GPC5: variants seen among roughly 807,000 people sequenced by gnomAD.
GPC5 encodes glypican 5.
In GPC5, 47 loss-of-function variants were observed where a neutral mutation model predicts 53.9. That is an observed-to-expected ratio of 0.87 (90% CI 0.69 to 1.11). The LOEUF is 1.11. Ranked by LOEUF, GPC5 falls within the 50% of genes most tolerant of loss-of-function variation. The probability of loss-of-function intolerance (pLI) is 0.00; values close to 1 mark genes in which losing one functional copy is unlikely to be tolerated. For synonymous variants in GPC5, 286 were observed against 263.3 expected (o/e 1.09, Z -0.84); for missense variants, 748 against 713.1 (o/e 1.05, Z -0.56).
chr13:91,841,539 A>G (rs1451446208), intron 5 of GPC5, among the ~76,000 whole-genome samples: 10 of 152,020 alleles, frequency 6.6e-5, no homozygotes, highest in Non-Finnish European at 1.5e-4. Flanking sequence ...CTGTTGCCCC[A>G]CTTAATGATT....
Position 92,015,635 on chromosome 13 carries a change from A to C in GPC5, c.1401+107578A>C, listed in dbSNP as rs1439720496. On this transcript the variant is annotated intron_variant, in intron 6 of 7. Transcript: ENST00000377067. ...TAAGTCACAAATTAGTAGAATTCAA[A>C]CTAAGAGCTTATATTTTGTGCCTAG... is the stretch of plus-strand genomic sequence containing the variant. Among the ~76,000 whole-genome samples, 6 of 152,238 alleles carry C rather than the reference A, an allele frequency of 3.9e-5. No individual in the cohort carries two copies. In the East Asian group the frequency reaches 7.7e-4, roughly 20 times the overall value.
chr13:91,642,063 G>A (rs976630784), intron 2 of GPC5, among the ~76,000 whole-genome samples: 1 of 152,096 alleles, frequency 6.6e-6, no homozygotes, highest in Admixed American at 6.5e-5. Context: ...TTTAACAGGA[G>A]GCCCAACTTG....
intron 6 of GPC5, among the ~76,000 whole-genome samples, chr13:92,125,948 T>G (rs2041693001): frequency 5.7e-5 from 6 of 104,696 alleles, no homozygotes; most frequent in African/African-American, 2.0e-4. Context: ...TTTTTTTTTT[T>G]TTTTTTTTTT....
At chr13:92,527,160 GA>G (rs1205944401) in intron 7 of GPC5, among the ~76,000 whole-genome samples, 10 of 107,938 alleles carry the variant, frequency 9.3e-5, no homozygotes, top group East Asian at 7.7e-4. Flanking sequence ...AAGAAAGAAA[GA>G]AAGAAAGAAA....
At chr13:92,632,440 CT>C (rs1885270182) in intron 7 of GPC5, among the ~76,000 whole-genome samples, 1 of 139,582 alleles carries the variant, frequency 7.2e-6, no homozygotes, top group Admixed American at 7.3e-5. Flanking sequence ...CTTTTCTATT[CT>C]TTTGGAGGAG....
At chr13:92,547,412 C>T (rs557617692) in intron 7 of GPC5, among the ~76,000 whole-genome samples, 9 of 152,192 alleles carry the variant, frequency 5.9e-5, no homozygotes, top group South Asian at 2.1e-4. Flanking sequence ...ATTCAGATGA[C>T]GTATTTTTAC....
intron 2 of GPC5, among the ~76,000 whole-genome samples, chr13:91,461,003 A>G (rs1218190109): frequency 1.3e-5 from 2 of 152,166 alleles, no homozygotes; most frequent in African/African-American, 4.8e-5. Flanking sequence ...TAAATGTGGT[A>G]TAGATGCTAT....
At chr13:92,861,134 C>T (rs147285059) in intron 7 of GPC5, among the ~76,000 whole-genome samples, 3 of 152,086 alleles carry the variant, frequency 2.0e-5, no homozygotes, top group East Asian at 3.9e-4. Flanking sequence ...TAAATATTTA[C>T]TCCTTAAAGA....
chr13:91,488,000 G>A (rs897392340), intron 2 of GPC5, among the ~76,000 whole-genome samples: 2 of 151,198 alleles, frequency 1.3e-5, no homozygotes, highest in Non-Finnish European at 2.9e-5. Context: ...GAACAAGATA[G>A]CATACTTGGA....
intron 7 of GPC5, among the ~76,000 whole-genome samples, chr13:92,281,043 C>G (rs1280546853): frequency 6.6e-6 from 1 of 152,182 alleles, no homozygotes; most frequent in Non-Finnish European, 1.5e-5. Flanking sequence ...TGGGTCACTC[C>G]CACACTAATA....
chr13:92,087,037 C>T (rs777207940), intron 6 of GPC5, among the ~76,000 whole-genome samples: 3 of 152,248 alleles, frequency 2.0e-5, no homozygotes, highest in Admixed American at 6.5e-5. Flanking sequence ...CAAATCCACA[C>T]AGGAGTGAAA....
rs546587444 is a variant in GPC5 at position 92,692,218 on chromosome 13, A to T, written c.1562-174064A>T. ...CAAAGAACATGACTTCATTTTTTTTATGGCTGCATAGTATTACATGGTGTA... is the reference window on the plus strand; with the variant it reads ...CAAAGAACATGACTTCATTTTTTTTTTGGCTGCATAGTATTACATGGTGTA... On this transcript the variant is annotated intron_variant, in intron 7 of 7. Coordinates refer to ENST00000377067, the MANE Select transcript of GPC5 (RefSeq NM_004466.6). 2.6e-5 allele frequency among the ~76,000 whole-genome samples: 4 copies of T among 152,050 alleles called. No homozygotes were observed. In the East Asian group the frequency reaches 7.8e-4, roughly 30 times the overall value.
chr13:92,166,201 C>G (rs1429690973), intron 7 of GPC5, among the ~76,000 whole-genome samples: 1 of 151,942 alleles, frequency 6.6e-6, no homozygotes, highest in African/African-American at 2.4e-5. Context: ...CAAAGATTTC[C>G]CTGATTATAT....
chr13:91,603,917 A>G (rs1214461716), intron 2 of GPC5, among the ~76,000 whole-genome samples: 1 of 147,140 alleles, frequency 6.8e-6, no homozygotes, highest in Non-Finnish European at 1.5e-5. Flanking sequence ...CTCCCTTTCT[A>G]GTAGTATTTT....
At chr13:92,815,285 G>A (rs971301257) in intron 7 of GPC5, among the ~76,000 whole-genome samples, 1 of 152,028 alleles carries the variant, frequency 6.6e-6, no homozygotes, top group Non-Finnish European at 1.5e-5. Flanking sequence ...CATGAAGAGA[G>A]GATATTTTAG....
chr13:92,452,906 G>C (rs11839536), intron 7 of GPC5, among the ~76,000 whole-genome samples: 2,423 of 152,242 alleles, frequency 0.016, 64 homozygotes, highest in African/African-American at 0.056. Flanking sequence ...AACTAGCACA[G>C]AAAGCTAATT....
At chr13:91,581,570 G>A (rs2032361570) in intron 2 of GPC5, among the ~76,000 whole-genome samples, 1 of 152,004 alleles carries the variant, frequency 6.6e-6, no homozygotes, top group Non-Finnish European at 1.5e-5. Flanking sequence ...CCCTGAGAAG[G>A]ATATATATTC....
chr13:91,612,083 T>C (rs915179235), intron 2 of GPC5, among the ~76,000 whole-genome samples: 4 of 152,192 alleles, frequency 2.6e-5, no homozygotes, highest in African/African-American at 9.6e-5. Context: ...TCACTCTTAG[T>C]TGTATATTTT....
intron 7 of GPC5, among the ~76,000 whole-genome samples, chr13:92,673,942 T>C (rs1886842402): frequency 1.3e-5 from 2 of 152,132 alleles, no homozygotes; most frequent in African/African-American, 4.8e-5. Flanking sequence ...TGTAAAAAAA[T>C]GTTGATATTA....
Sources: gnomAD v4.1 joint callset for allele counts (sites outside exome capture counted in the v4.1 genomes callset) on GRCh38, gnomAD v4.1.1 for gene constraint, MANE v1.5 for transcripts, NCBI Gene and HGNC (gene_info 2026-07-23, HGNC 2026-07-21) for gene names.